Variants in COCH observed in about 807,000 individuals in gnomAD.
The protein encoded by COCH is coagulation factor C homolog, cochlin (Limulus polyphemus).
In COCH, 40 loss-of-function variants were observed where a neutral mutation model predicts 54.8. The ratio of observed to expected loss-of-function variants is 0.73; its 90% confidence interval spans 0.57 to 0.95. COCH has a LOEUF of 0.95. Among genes scored for constraint, COCH ranks in the 40% least tolerant of loss-of-function variants. The probability of loss-of-function intolerance (pLI) is 0.00; values close to 1 mark genes in which losing one functional copy is unlikely to be tolerated. For missense variants in COCH, 605 were observed against 675.0 expected (o/e 0.90, Z 1.15); for synonymous variants, 256 against 237.9 (o/e 1.08, Z -0.70).
chr14:30,893,432 C>T (rs1374221281), downstream of COCH, among the ~76,000 whole-genome samples: 9 of 151,812 alleles, frequency 5.9e-5, no homozygotes, highest in African/African-American at 1.9e-4. Flanking sequence ...GATTATAGGC[C>T]TGAGCCACCG....
intron 4 of COCH, 48 bp from the exon 5 acceptor site, chr14:30,878,763 C>T: frequency 2.5e-6 from 4 of 1,613,432 alleles, no homozygotes; most frequent in Non-Finnish European, 3.4e-6. Context: ...CAGTGGGATG[C>T]CCTGAAAAAG....
chr14:30,875,028 G>C, intron 2 of COCH, 28 bp from the exon 3 acceptor site: 1 of 1,612,662 alleles, frequency 6.2e-7, no homozygotes, highest in Non-Finnish European at 8.5e-7. Context: ...GGAGGCTGGA[G>C]CCAGCCCTCA....
chr14:30,879,854 G>A (rs1447636992), intron 6 of COCH, among the ~76,000 whole-genome samples: 2 of 151,794 alleles, frequency 1.3e-5, no homozygotes, highest in African/African-American at 4.8e-5. Flanking sequence ...TTTTTAGACA[G>A]GTCTAGCTAT....
intron 6 of COCH, among the ~76,000 whole-genome samples, chr14:30,880,206 C>A (rs768717443): frequency 2.6e-5 from 4 of 152,120 alleles, no homozygotes; most frequent in Non-Finnish European, 4.4e-5. Context: ...TGAGTTCCTG[C>A]CTCACCTGTG....
intron 9 of COCH, chr14:30,884,989 G>A (rs748269708): frequency 8.8e-6 from 14 of 1,598,264 alleles, no homozygotes; most frequent in East Asian, 2.2e-5. Flanking sequence ...ATGCAGATGT[G>A]GCAGAAAGAA....
At chr14:30,883,728 G>A (rs1895689553) in intron 8 of COCH, among the ~76,000 whole-genome samples, 1 of 152,056 alleles carries the variant, frequency 6.6e-6, no homozygotes, top group Non-Finnish European at 1.5e-5. Flanking sequence ...ATTGTGCTGT[G>A]GTTGTTTATA....
At chr14:30,892,092 T>C (rs1249169056), downstream of COCH, among the ~76,000 whole-genome samples, 1 of 137,044 alleles carries the variant, frequency 7.3e-6, no homozygotes, top group Non-Finnish European at 1.7e-5. Flanking sequence ...ATATTAAGAT[T>C]TGTATAAAGT....
At position 30,884,918 on chromosome 14, in the gene COCH, T is replaced by C. The variant is rs28362772; in HGVS notation, c.733+262T>C. 4,175 of 1,596,894 alleles carry C rather than the reference T, an allele frequency of 2.6e-3. 92 individuals are homozygous for C. The African/African-American group carries it at 0.05, about 19-fold the overall frequency. ...TACATTGGATTGACTAGATATAACA[T>C]TGGAGAAGTATCTCTTTGTAATGCT... On this transcript the variant is annotated intron_variant, in intron 9 of 11. Transcript: ENST00000396618.
intron 11 of COCH, among the ~76,000 whole-genome samples, chr14:30,887,971 T>G (rs1302438138): frequency 6.6e-6 from 1 of 152,170 alleles, no homozygotes; most frequent in Non-Finnish European, 1.5e-5. Flanking sequence ...TTCAGGAGGC[T>G]GGACTACACC....
In COCH at chr14:30,875,238, C is replaced by A. The variant is rs1895314383; in HGVS notation, c.82+135C>A. 5.6e-6 allele frequency: 7 copies of A among 1,239,018 alleles called. No homozygotes were observed. In the East Asian group the frequency reaches 1.8e-4, roughly 32 times the overall value. 76.8% of individuals were successfully genotyped at this position (1,239,018 alleles called of 1,614,324 possible). ...GGAAGGCGCGAAGGTTGAGCCGCCG[C>A]GTGGCGCGCCCGCGTTAACCCCTGC... On this transcript the variant is annotated intron_variant, in intron 3 of 11. Coordinates refer to ENST00000396618, the MANE Select transcript of COCH (RefSeq NM_004086.3).
At chr14:30,894,894 T>TC, downstream of COCH, 1 of 343,210 alleles carries the variant, frequency 2.9e-6, no homozygotes, top group Admixed American at 1.9e-4. Context: ...TTTCTTTTTC[T>TC]TTTTTTTTTT....
At chr14:30,894,992 G>A, downstream of COCH, 2 of 706,544 alleles carry the variant, frequency 2.8e-6, no homozygotes, top group Non-Finnish European at 3.6e-6. Flanking sequence ...AGCTACTCTT[G>A]GAGCTCACTT....
At chr14:30,878,733 T>C in intron 4 of COCH, 78 bp from the exon 5 acceptor site, 2 of 1,599,478 alleles carry the variant, frequency 1.3e-6, no homozygotes, top group Middle Eastern at 1.7e-4. Context: ...AAGCAATAGA[T>C]ACAACATGGC....
intron 4 of COCH, among the ~76,000 whole-genome samples, chr14:30,878,217 G>A (rs532422326): frequency 4.6e-5 from 7 of 152,220 alleles, no homozygotes; most frequent in Non-Finnish European, 8.8e-5. Flanking sequence ...GCTAAAGTGA[G>A]TATCTTAGGA....
chr14:30,884,379 G>A (rs900493895), intron 8 of COCH, 174 bp from the exon 9 acceptor site: 2 of 602,676 alleles, frequency 3.3e-6, no homozygotes, highest in Non-Finnish European at 5.9e-6. Flanking sequence ...TTACACCTCT[G>A]AAATATCTCC....
chr14:30,875,249 C>A, intron 3 of COCH, 146 bp downstream of exon 3: 1 of 1,143,404 alleles, frequency 8.7e-7, no homozygotes, highest in African/African-American at 1.5e-5. Context: ...GTGGCGCGCC[C>A]GCGTTAACCC....
chr14:30,878,885 A>G lies in COCH; in HGVS notation c.314A>G (p.Asp105Gly), dbSNP rs1273768627. Residue 105 changes from aspartate (D) to glycine (G), a missense_variant, in exon 5 of 12, where the codon GAT becomes GGT. Coordinates refer to ENST00000396618, the MANE Select transcript of COCH (RefSeq NM_004086.3). ...LPGRENYSSV[D>G]ANGIQSQMLS... ...GGTCGAGAAAACTATTCCTCAGTAG[A>G]TGCCAATGGCATCCAGTCTCAAATG... 3.1e-6 allele frequency: 5 copies of G among 1,614,086 alleles called. No homozygotes were observed. The highest frequency in any genetic ancestry group is 1.1e-5 in the South Asian group (1 of 91,090).
At chr14:30,883,586 T>C (rs1188031550) in intron 8 of COCH, among the ~76,000 whole-genome samples, 1 of 152,154 alleles carries the variant, frequency 6.6e-6, no homozygotes, top group Non-Finnish European at 1.5e-5. Flanking sequence ...TTCCATCAGG[T>C]ATGTATGCAG....
chr14:30,888,797 A>G (rs1895881608), intron 11 of COCH, among the ~76,000 whole-genome samples: 1 of 151,846 alleles, frequency 6.6e-6, no homozygotes. Flanking sequence ...TCTGAGAAAA[A>G]AAAAAAAAAA....
Sources: allele counts gnomAD v4.1 joint callset (sites outside exome capture counted in the v4.1 genomes callset), GRCh38; gene constraint gnomAD v4.1.1; transcripts MANE v1.5; gene names NCBI Gene and HGNC (gene_info 2026-07-23, HGNC 2026-07-21).